Variants in ADORA2B observed in about 807,000 individuals in gnomAD.
ADORA2B encodes the protein adenosine A2b receptor.
ADORA2B carries 18 observed loss-of-function variants against 20.8 expected under a neutral mutation model. The ratio of observed to expected loss-of-function variants is 0.87; its 90% CI spans 0.60 to 1.29. The LOEUF (loss-of-function observed/expected upper bound fraction) is 1.29. ADORA2B is among the 50% of genes most tolerant of loss of function. The pLI is 0.00. For missense variants in ADORA2B, 441 were observed against 422.7 expected (o/e 1.04, Z -0.38); for synonymous variants, 179 against 178.3 (o/e 1.00, Z -0.03).
At chr17:15,936,372 G>T in the ADORA2B span, among the ~76,000 whole-genome samples, 1 of 151,908 alleles carries the variant, frequency 6.6e-6, no homozygotes, top group African/African-American at 2.4e-5. Flanking sequence ...AGGCTGGAGT[G>T]CAGTGGTGCA....
chr17:15,888,848 ATATTTTTTTTTTTTTTT>A, the ADORA2B span, among the ~76,000 whole-genome samples: 6 of 12,652 alleles, frequency 4.7e-4, no homozygotes, highest in African/African-American at 4.0e-3. Context: ...ATATATATAT[ATATTTTTTTTTTTTTTT>A]TTTTTTTTTT....
At chr17:15,966,720 T>C (rs772570906) in intron 1 of ADORA2B, among the ~76,000 whole-genome samples, 1 of 152,224 alleles carries the variant, frequency 6.6e-6, no homozygotes, top group Non-Finnish European at 1.5e-5. Flanking sequence ...GGCATAGCCA[T>C]TTCCCAGAGT....
the ADORA2B span, among the ~76,000 whole-genome samples, chr17:15,869,003 A>C: frequency 6.6e-6 from 1 of 151,752 alleles, no homozygotes; most frequent in Non-Finnish European, 1.5e-5. Flanking sequence ...TAAAAAATTT[A>C]CATGTATTAC....
the ADORA2B span, among the ~76,000 whole-genome samples, chr17:15,856,961 G>T: frequency 1.3e-5 from 2 of 152,198 alleles, no homozygotes; most frequent in Non-Finnish European, 2.9e-5. Context: ...GGGAAAAAAT[G>T]TCCCCAGGAC....
the ADORA2B span, among the ~76,000 whole-genome samples, chr17:15,927,545 G>A: frequency 1.3e-5 from 2 of 152,130 alleles, no homozygotes; most frequent in Non-Finnish European, 2.9e-5. Flanking sequence ...TACTTGCAAG[G>A]CTGAGGCAGG....
At chr17:15,925,655 C>G in the ADORA2B span, among the ~76,000 whole-genome samples, 2 of 152,114 alleles carry the variant, frequency 1.3e-5, no homozygotes, top group African/African-American at 4.8e-5. Context: ...TCTCTTTCTG[C>G]GTATTTGAAT....
chr17:15,901,725 G>T, the ADORA2B span, among the ~76,000 whole-genome samples: 3 of 152,080 alleles, frequency 2.0e-5, no homozygotes, highest in African/African-American at 7.2e-5. Flanking sequence ...TCCACCCTCT[G>T]GCTCCTAAAA....
upstream of ADORA2B, among the ~76,000 whole-genome samples, chr17:15,942,750 CCTCTGCGGACTGG>C (rs1969755968): frequency 3.3e-5 from 5 of 152,358 alleles, no homozygotes; most frequent in South Asian, 1.0e-3. Context: ...CGTCCTGTGA[CCTCTGCGGACTGG>C]CATCCCAGCA....
At chr17:15,916,531 G>C in the ADORA2B span, among the ~76,000 whole-genome samples, 1 of 151,008 alleles carries the variant, frequency 6.6e-6, no homozygotes, top group Non-Finnish European at 1.5e-5. Context: ...AGGAGGGGGG[G>C]TACATGACTG....
chr17:15,938,588 C>T, the ADORA2B span, among the ~76,000 whole-genome samples: 1 of 152,222 alleles, frequency 6.6e-6, no homozygotes, highest in Non-Finnish European at 1.5e-5. Flanking sequence ...AGGCATGAGC[C>T]ACCATACCTG....
the ADORA2B span, among the ~76,000 whole-genome samples, chr17:15,898,687 C>G: frequency 6.6e-6 from 1 of 151,930 alleles, no homozygotes; most frequent in African/African-American, 2.4e-5. Flanking sequence ...AATTTATTGT[C>G]TTTGTCTTAA....
At chr17:15,941,718 A>G (rs1597840711), upstream of ADORA2B, among the ~76,000 whole-genome samples, 1 of 137,348 alleles carries the variant, frequency 7.3e-6, no homozygotes, top group Non-Finnish European at 1.5e-5. Flanking sequence ...ACAGAGTGAG[A>G]CTCTTGTTTC....
chr17:15,859,684 T>G, the ADORA2B span, among the ~76,000 whole-genome samples: 2 of 152,090 alleles, frequency 1.3e-5, no homozygotes, highest in Non-Finnish European at 2.9e-5. Flanking sequence ...CATGGCATGC[T>G]CCTATAGTCC....
intron 1 of ADORA2B, among the ~76,000 whole-genome samples, chr17:15,953,846 T>C (rs192749699): frequency 2.9e-4 from 44 of 152,102 alleles, no homozygotes; most frequent in Admixed American, 1.8e-3. Context: ...AGTTGTCCCC[T>C]GTCTTGGATC....
intron 1 of ADORA2B, among the ~76,000 whole-genome samples, chr17:15,965,748 C>G (rs1392429909): frequency 6.6e-6 from 1 of 152,246 alleles, no homozygotes; most frequent in Non-Finnish European, 1.5e-5. Context: ...AGCTGGCACT[C>G]CCGTAGAAAG....
the ADORA2B span, chr17:15,863,932 T>A: frequency 6.6e-6 from 1 of 152,272 alleles, no homozygotes; most frequent in Admixed American, 6.5e-5. Context: ...ATGTGGTTGT[T>A]TCTTCAGATT....
the ADORA2B span, among the ~76,000 whole-genome samples, chr17:15,919,897 G>A: frequency 2.6e-5 from 4 of 152,168 alleles, no homozygotes; most frequent in Admixed American, 6.5e-5. Flanking sequence ...AAGAAATTGG[G>A]TGAATGTGTC....
the ADORA2B span, among the ~76,000 whole-genome samples, chr17:15,909,205 GCAACAA>G: frequency 1.3e-5 from 2 of 151,428 alleles, no homozygotes; most frequent in African/African-American, 2.4e-5. Context: ...AAAAAAAACA[GCAACAA>G]CAACAACAAC....
chr17:15,953,540 C>T (rs1009497767), intron 1 of ADORA2B, among the ~76,000 whole-genome samples: 6 of 152,188 alleles, frequency 3.9e-5, no homozygotes, highest in African/African-American at 1.4e-4. Context: ...CACTGTGAAC[C>T]GCCAGGCCCG....
Sources: allele counts gnomAD v4.1 joint callset (sites outside exome capture counted in the v4.1 genomes callset), GRCh38; gene constraint gnomAD v4.1.1; transcripts MANE v1.5; gene names NCBI Gene and HGNC (gene_info 2026-07-23, HGNC 2026-07-21).